TRPM1: variants seen among roughly 807,000 people sequenced by gnomAD.
TRPM1 encodes transient receptor potential cation channel subfamily M member 1, also known as TRPM1-203 APA Isoform, Intron 10.
In TRPM1, 113 loss-of-function variants were observed where a neutral mutation model predicts 149.4. That is an observed-to-expected ratio of 0.76 (90% CI 0.65 to 0.88). The LOEUF is 0.88. Among genes scored for constraint, TRPM1 ranks in the 40% least tolerant of loss-of-function variants. TRPM1 has a pLI of 0.00. For synonymous variants in TRPM1, 741 were observed against 759.5 expected (o/e 0.98, Z 0.40); for missense variants, 1,976 against 2,038.7 (o/e 0.97, Z 0.59).
At chr15:31,016,272 T>C (rs1304783781) in intron 27 of TRPM1, among the ~76,000 whole-genome samples, 1 of 152,266 alleles carries the variant, frequency 6.6e-6, no homozygotes, top group Non-Finnish European at 1.5e-5. Context: ...AAATAACTTA[T>C]AACTATGTTT....
chr15:31,120,363 G>T (rs1288908938), intron 1 of TRPM1, among the ~76,000 whole-genome samples: 1 of 152,098 alleles, frequency 6.6e-6, no homozygotes, highest in African/African-American at 2.4e-5. Context: ...AAGAATTTTT[G>T]ATGTGTATGT....
rs1230254750 is a variant in TRPM1, at chr15:31,002,148, C to T, written c.4552G>A (p.Ala1518Thr). The T allele has an allele frequency of 2.5e-5, 40 of 1,614,102 alleles. No individual in the cohort carries two copies. The highest frequency in any genetic ancestry group is 1.6e-4 in the Middle Eastern group (1 of 6,084). Reference protein sequence around the residue: ...PYIVSEAAVQAEHKEQFADMQ... With the variant: ...PYIVSEAAVQTEHKEQFADMQ... ...TCTGCAAACTGCTCTTTATGCTCAG[C>T]TTGCACTGCAGCTTCCGACACAATG... is the stretch of plus-strand genomic sequence containing the variant. Residue 1518 changes from alanine (A) to threonine (T), a missense_variant, in exon 28 of 28, where the codon GCT becomes ACT. Around this residue, in one of 3 missense-constraint regions of TRPM1, gnomAD observed 572 missense variants for 578.9 expected, o/e 0.99. Coordinates refer to ENST00000256552, the MANE Select transcript of TRPM1 (RefSeq NM_001252024.2).
In TRPM1 at chr15:31,037,757, A is replaced by C; in HGVS notation, c.2525T>G (p.Ile842Ser). ...KQRSIPIGTK[I>S]CEFYNAPIVK... ...AATGGGCGCGTTATAGAATTCACAG[A>C]TCTTTGTTCCGATGGGAATACTTCT... is the stretch of plus-strand genomic sequence containing the variant. The change falls in exon 20 of 28, where the codon ATC becomes AGC. Residue 842 changes from isoleucine (I) to serine (S), a missense_variant. Coordinates refer to ENST00000256552, the MANE Select transcript of TRPM1 (RefSeq NM_001252024.2). 1 of 1,614,234 alleles carries C rather than the reference A, an allele frequency of 6.2e-7. No individual in the cohort carries two copies. Among genetic ancestry groups the C allele is most frequent in the Non-Finnish European group, 8.5e-7 (1 of 1,180,050 alleles).
At chr15:31,035,411 G>T in intron 21 of TRPM1, 135 bp downstream of exon 21, 1 of 1,266,838 alleles carries the variant, frequency 7.9e-7, no homozygotes, top group Non-Finnish European at 1.1e-6. Flanking sequence ...CTCCCAGAGT[G>T]CTGGGATTAC....
At chr15:31,060,461 C>A in intron 11 of TRPM1, 83 bp downstream of exon 11, 1 of 1,168,512 alleles carries the variant, frequency 8.6e-7, no homozygotes, top group South Asian at 1.3e-5. Context: ...TTCCTGAATT[C>A]CATGTCACAA....
Position 31,016,983 on chromosome 15 carries a change from ACAC to A in TRPM1, c.3629+9153_3629+9155del, listed in dbSNP as rs776548205. The stretch of plus-strand genomic sequence containing the variant: ...GGCGTACACACACACACACACACAC[ACAC>A]ACAAAAAAAAAACTTGTTTTTTAAA... On this transcript the variant is annotated intron_variant, in intron 27 of 27. Transcript: ENST00000256552. Among the ~76,000 whole-genome samples the A allele has an allele frequency of 5.4e-3, 733 of 135,218 alleles. 6 individuals carry two copies. The highest frequency in any genetic ancestry group is 0.016 in the African/African-American group (586 of 37,506). The allele number at this position is 135,218 out of a possible 152,430, so 88.7% of individuals were successfully genotyped here. A position where few individuals can be genotyped will look rare whatever the true frequency, so the allele number is the denominator to read the frequency against.
intron 1 of TRPM1, among the ~76,000 whole-genome samples, chr15:31,100,234 G>A (rs1184914585): frequency 3.3e-5 from 5 of 151,584 alleles, no homozygotes; most frequent in African/African-American, 1.2e-4. Flanking sequence ...GCACTACCAT[G>A]CCCAGCTAAT....
At chr15:31,110,045 A>C (rs553245774) in intron 1 of TRPM1, among the ~76,000 whole-genome samples, 1 of 152,224 alleles carries the variant, frequency 6.6e-6, no homozygotes, top group Admixed American at 6.5e-5. Flanking sequence ...AGTAAGGCTT[A>C]TATTGGTTCA....
intron 1 of TRPM1, among the ~76,000 whole-genome samples, chr15:31,114,578 A>G (rs1455192984): frequency 6.6e-6 from 1 of 152,228 alleles, no homozygotes; most frequent in Non-Finnish European, 1.5e-5. Context: ...ATTTTAAGAC[A>G]TTGCAAAAGA....
upstream of TRPM1, among the ~76,000 whole-genome samples, chr15:31,104,755 G>A (rs1380919176): frequency 5.9e-5 from 9 of 151,616 alleles, no homozygotes; most frequent in South Asian, 4.2e-4. Context: ...CACCACGCCC[G>A]GCCAATTTTT....
intron 11 of TRPM1, among the ~76,000 whole-genome samples, chr15:31,050,836 C>G (rs552537097): frequency 2.0e-5 from 3 of 152,190 alleles, no homozygotes; most frequent in African/African-American, 7.2e-5. Flanking sequence ...ATACTGGGAA[C>G]CACTGTTACT....
At position 31,008,272 on chromosome 15, in the gene TRPM1, T is replaced by A. The variant is rs373673915; in HGVS notation, c.3630-5202A>T. ...TGGCCATCCTTCCTTGTTCCCAGTT[T>A]TAGGGAGAAAGCAGTCTGTCTTTCA... On this transcript the variant is annotated intron_variant, in intron 27 of 27. Transcript: ENST00000256552. Among the ~76,000 whole-genome samples, 3 of 152,336 alleles carry A rather than the reference T, an allele frequency of 2.0e-5. No homozygotes were observed. In the East Asian group the frequency reaches 5.8e-4, roughly 29 times the overall value.
chr15:31,089,102 A>T (rs1322864548), intron 1 of TRPM1, among the ~76,000 whole-genome samples: 2 of 152,182 alleles, frequency 1.3e-5, no homozygotes, highest in Non-Finnish European at 2.9e-5. Flanking sequence ...AAAAATCAAT[A>T]CAGAAAATTC....
At chr15:31,071,979 ACATATATATATATATATATATAT>A (rs1245761588) in intron 3 of TRPM1, among the ~76,000 whole-genome samples, 3 of 83,658 alleles carry the variant, frequency 3.6e-5, no homozygotes, top group African/African-American at 1.7e-4. Context: ...AAAAAAAAAA[ACATATATATATATATATATATAT>A]ATATATATAT....
rs370397564 is a variant in TRPM1, at chr15:31,125,453, G to A, written c.54+35453C>T. Among the ~76,000 whole-genome samples the A allele has an allele frequency of 7.2e-5, 11 of 152,174 alleles. 2 individuals carry two copies. The highest frequency in any genetic ancestry group is 3.9e-4 in the East Asian group (2 of 5,162). On this transcript the variant is annotated intron_variant, in intron 1 of 26. Coordinates refer to the TRPM1 transcript ENST00000542188. The stretch of plus-strand genomic sequence containing the variant: ...AGCCATTAAAAGAATACATGCGGCC[G>A]GGCGCAGTGGCTTACGCCTGTAATC...
At chr15:31,068,464 G>A (rs1235190869) in intron 4 of TRPM1, among the ~76,000 whole-genome samples, 1 of 151,972 alleles carries the variant, frequency 6.6e-6, no homozygotes, top group Non-Finnish European at 1.5e-5. Flanking sequence ...ACTCAGGGCT[G>A]GGCGTGGTGG....
chr15:31,100,763 T>C (rs1377048996), intron 1 of TRPM1, among the ~76,000 whole-genome samples: 1 of 152,206 alleles, frequency 6.6e-6, no homozygotes, highest in African/African-American at 2.4e-5. Context: ...TTTTTCTCTG[T>C]CATTTTAAAA....
chr15:31,028,555 T>C (rs1039414854), intron 24 of TRPM1, 79 bp from the exon 25 acceptor site: 5 of 1,471,102 alleles, frequency 3.4e-6, no homozygotes, highest in Non-Finnish European at 4.7e-6. Context: ...TGTTTTTCAA[T>C]ACCTATTTCT....
Position 31,035,563 on chromosome 15 carries a change from A to T in TRPM1, c.2683T>A (p.Leu895Ile). The change falls in exon 21 of 28, where the codon TTA becomes ATA. Residue 895 changes from leucine to isoleucine, a missense_variant. This residue lies in a region of TRPM1 where 1,332 missense variants were observed against 1,347.1 expected (regional missense o/e 0.99). Transcript: ENST00000256552. ...GTAGCCACCTCTCGTATCTTCTCTA[A>T]CGCCAGGCTCACGATGTAGGAGATG... ...IVISYIVSLA[L>I]EKIREILMSE... 6.2e-7 allele frequency: 1 copy of T among 1,614,130 alleles called. No homozygotes were observed. The highest frequency in any genetic ancestry group is 8.5e-7 in the Non-Finnish European group (1 of 1,180,018).
Sources: gnomAD v4.1 joint callset for allele counts (sites outside exome capture counted in the v4.1 genomes callset) on GRCh38, gnomAD v4.1.1 for gene constraint, gnomAD v4.1.1 regional missense constraint, MANE v1.5 for transcripts, NCBI Gene and HGNC (gene_info 2026-07-23, HGNC 2026-07-21) for gene names.